The following MAP2K4 variants were observed in gnomAD, a reference collection of about 807,000 sequenced individuals.
MAP2K4 encodes dual specificity mitogen-activated protein kinase kinase 4.
MAP2K4 carries 4 observed loss-of-function variants against 48.5 expected under a neutral mutation model. The observed-to-expected ratio is 0.08, with a 90% CI of 0.04 to 0.19. MAP2K4 has a LOEUF of 0.19. Among genes scored for constraint, MAP2K4 ranks in the 10% least tolerant of loss-of-function variants. The pLI, the probability that MAP2K4 is intolerant of heterozygous loss-of-function variation, is 1.00. For synonymous variants in MAP2K4, 166 were observed against 173.1 expected (o/e 0.96, Z 0.32); for missense variants, 258 against 493.3 (o/e 0.52, Z 4.52).
intron 2 of MAP2K4, among the ~76,000 whole-genome samples, chr17:12,074,653 T>G (rs1252375050): frequency 6.6e-6 from 1 of 152,212 alleles, no homozygotes; most frequent in East Asian, 1.9e-4. Flanking sequence ...AGGAGGGCCC[T>G]CTGCATATCG....
At chr17:12,057,445 C>T (rs1268192293) in intron 2 of MAP2K4, among the ~76,000 whole-genome samples, 1 of 152,130 alleles carries the variant, frequency 6.6e-6, no homozygotes, top group Non-Finnish European at 1.5e-5. Flanking sequence ...CTATTTCTCT[C>T]TCTCACTGGA....
chr17:12,072,292 A>G (rs1196489109), intron 2 of MAP2K4, among the ~76,000 whole-genome samples: 1 of 152,208 alleles, frequency 6.6e-6, no homozygotes, highest in African/African-American at 2.4e-5. Context: ...TCTTGATTTC[A>G]ACATTTATGG....
Position 12,081,729 on chromosome 17 carries a change from T to C in MAP2K4, c.393+199T>C, listed in dbSNP as rs1427266974. On this transcript the variant is annotated intron_variant, in intron 3 of 10. Coordinates refer to ENST00000353533, the MANE Select transcript of MAP2K4 (RefSeq NM_003010.4). This position sits in a 1 kb window ranked among gnomAD's most constrained non-coding sequence, Gnocchi z 4.2. ...TTTTCTATCTCTTTGGAAACATGAG[T>C]GTATGAAGTGTGCATGTTGATTGCA... 6.6e-6 allele frequency among the ~76,000 whole-genome samples: 1 copy of C among 152,174 alleles called. No homozygotes were observed. The highest frequency in any genetic ancestry group is 1.5e-5 in the Non-Finnish European group (1 of 68,024).
intron 7 of MAP2K4, among the ~76,000 whole-genome samples, chr17:12,122,825 G>A: frequency 6.6e-6 from 1 of 152,224 alleles, no homozygotes; most frequent in East Asian, 1.9e-4. Flanking sequence ...TTAGTGTGTT[G>A]TTATTTCTGT....
chr17:12,137,154 T>C (rs938274696), intron 9 of MAP2K4, among the ~76,000 whole-genome samples: 2 of 152,186 alleles, frequency 1.3e-5, no homozygotes, highest in Non-Finnish European at 2.9e-5. Context: ...TGGCTCCCAG[T>C]TCAGTTCATA....
chr17:12,130,664 T>C (rs762216969), intron 9 of MAP2K4, among the ~76,000 whole-genome samples: 2 of 152,214 alleles, frequency 1.3e-5, no homozygotes, highest in African/African-American at 2.4e-5. Flanking sequence ...TTTCCCTGAG[T>C]AGGTTCATAG....
intron 1 of MAP2K4, among the ~76,000 whole-genome samples, chr17:12,021,703 G>C (rs1969067169): frequency 6.6e-6 from 1 of 150,522 alleles, no homozygotes; most frequent in Non-Finnish European, 1.5e-5. Context: ...TTCCAGGCCA[G>C]GGATTTCTGT....
chr17:12,132,291 A>C (rs1384637105), intron 9 of MAP2K4, among the ~76,000 whole-genome samples: 2 of 152,234 alleles, frequency 1.3e-5, no homozygotes, highest in African/African-American at 4.8e-5. Context: ...ATATGTAAGA[A>C]TGTCCGGAAA....
At chr17:12,102,459 G>A (rs562323794) in intron 4 of MAP2K4, among the ~76,000 whole-genome samples, 7 of 152,074 alleles carry the variant, frequency 4.6e-5, no homozygotes, top group Admixed American at 2.6e-4. Context: ...TAAAATTTTT[G>A]TATCTATGAG....
At chr17:12,093,819 C>A (rs1033716308) in intron 3 of MAP2K4, among the ~76,000 whole-genome samples, 1 of 152,096 alleles carries the variant, frequency 6.6e-6, no homozygotes, top group Non-Finnish European at 1.5e-5. Flanking sequence ...TATTAAGATT[C>A]TTTTATAAAT....
chr17:12,079,134 TTTTAGTATA>T (rs71142266), intron 2 of MAP2K4, among the ~76,000 whole-genome samples: 25,440 of 152,038 alleles, frequency 0.17, 2,469 homozygotes, highest in South Asian at 0.3. Flanking sequence ...GTTCATTTGC[TTTTAGTATA>T]TTTAGTATAT....
At chr17:12,060,463 G>A (rs1204300323) in intron 2 of MAP2K4, among the ~76,000 whole-genome samples, 5 of 152,202 alleles carry the variant, frequency 3.3e-5, no homozygotes, top group African/African-American at 7.2e-5. Context: ...TTGTGAGGTG[G>A]GAGAGAGTTT....
chr17:12,073,005 GGTTT>G (rs1204331779), intron 2 of MAP2K4, among the ~76,000 whole-genome samples: 4 of 152,102 alleles, frequency 2.6e-5, no homozygotes, highest in African/African-American at 9.7e-5. Context: ...AGCAATCTGA[GGTTT>G]GTAGTACAAA....
At chr17:12,138,652 C>T (rs1205264109) in intron 9 of MAP2K4, among the ~76,000 whole-genome samples, 2 of 151,748 alleles carry the variant, frequency 1.3e-5, no homozygotes, top group African/African-American at 4.8e-5. Flanking sequence ...GAAGTTAACC[C>T]AGAAGAAGGA....
rs189220562 is a variant in MAP2K4, at chr17:12,108,981, A to C, written c.633+1072A>C. 3.9e-5 allele frequency among the ~76,000 whole-genome samples: 6 copies of C among 152,182 alleles called. No individual in the cohort carries two copies. In the East Asian group the frequency reaches 1.2e-3, roughly 29 times the overall value. ...TATCTTGAAACTTACTATTTGTAAT[A>C]ATTATAATAATAGAAAAATGATAAT... On this transcript the variant is annotated intron_variant, in intron 5 of 10. Coordinates refer to ENST00000353533, the MANE Select transcript of MAP2K4 (RefSeq NM_003010.4).
chr17:12,035,027 T>C (rs1209138182), intron 1 of MAP2K4, among the ~76,000 whole-genome samples: 1 of 152,230 alleles, frequency 6.6e-6, no homozygotes, highest in Admixed American at 6.5e-5. Context: ...GTATTTATTT[T>C]TGTACTATCA....
chr17:12,106,915 G>A (rs1021391633), intron 4 of MAP2K4, among the ~76,000 whole-genome samples: 3 of 151,858 alleles, frequency 2.0e-5, no homozygotes, highest in African/African-American at 7.3e-5. Flanking sequence ...TTGTGAGATA[G>A]TTCCTCGGTT....
intron 2 of MAP2K4, among the ~76,000 whole-genome samples, chr17:12,074,293 C>G (rs555590361): frequency 1.3e-5 from 2 of 152,086 alleles, no homozygotes; most frequent in South Asian, 4.1e-4. Flanking sequence ...TTTTTGTATA[C>G]TGTGGTAATT....
At chr17:12,107,500 A>G (rs1336059890) in intron 4 of MAP2K4, among the ~76,000 whole-genome samples, 1 of 87,956 alleles carries the variant, frequency 1.1e-5, no homozygotes, top group Non-Finnish European at 2.4e-5. Context: ...TTTTTTTTCT[A>G]TTTTGGCAAA....
Sources: allele counts gnomAD v4.1 joint callset (sites outside exome capture counted in the v4.1 genomes callset), GRCh38; gene constraint gnomAD v4.1.1; non-coding constraint Gnocchi (gnomAD v3.1); transcripts MANE v1.5; gene names NCBI Gene and HGNC (gene_info 2026-07-23, HGNC 2026-07-21).